DPY19L2: variants seen among roughly 807,000 people sequenced by gnomAD.
DPY19L2 encodes dpy-19 like 2.
A neutral mutation model predicts 97.9 loss-of-function variants in DPY19L2; 34 were observed. The observed-to-expected ratio is 0.35, with a 90% confidence interval of 0.26 to 0.46. DPY19L2 has a LOEUF of 0.46. Among genes scored for constraint, DPY19L2 ranks in the 20% least tolerant of loss-of-function variants. The pLI, the probability that DPY19L2 is intolerant of heterozygous loss-of-function variation, is 1.00. For missense variants in DPY19L2, 623 were observed against 911.4 expected, an observed-to-expected ratio of 0.68 and a Z score of 4.07; for synonymous variants, 230 against 307.9, an observed-to-expected ratio of 0.75 and a Z score of 2.65.
chr12:63,604,308 C>T (rs974801253), intron 12 of DPY19L2, among the ~76,000 whole-genome samples: 3 of 152,070 alleles, frequency 2.0e-5, no homozygotes, highest in African/African-American at 7.2e-5. Flanking sequence ...TGTATCTTGG[C>T]ATGGATTTCT....
intron 11 of DPY19L2, among the ~76,000 whole-genome samples, chr12:63,609,117 T>C (rs1346893544): frequency 6.6e-6 from 1 of 152,050 alleles, no homozygotes; most frequent in East Asian, 1.9e-4. Flanking sequence ...AAAGAACTTC[T>C]CCGATGCTAG....
At chr12:63,587,713 C>T (rs1171349947) in intron 16 of DPY19L2, among the ~76,000 whole-genome samples, 2 of 151,886 alleles carry the variant, frequency 1.3e-5, no homozygotes, top group Non-Finnish European at 2.9e-5. Flanking sequence ...GCTGCGATTA[C>T]AGGTGTGTGC....
intron 21 of DPY19L2, among the ~76,000 whole-genome samples, chr12:63,567,152 C>T (rs1457919834): frequency 1.3e-5 from 2 of 152,014 alleles, no homozygotes; most frequent in Non-Finnish European, 2.9e-5. Context: ...TCCTTATCTT[C>T]TTCTCCTCCC....
At chr12:63,576,053 T>G (rs1397318572) in intron 19 of DPY19L2, among the ~76,000 whole-genome samples, 1 of 151,936 alleles carries the variant, frequency 6.6e-6, no homozygotes, top group Non-Finnish European at 1.5e-5. Context: ...AACAAAATAC[T>G]AGCAAACTGA....
chr12:63,560,678 C>CAT lies in DPY19L2; in HGVS notation c.2127-18_2127-17dup, dbSNP rs1357651370. ...GCAACCAGGCCTGAAAAAAGACAGA[C>CAT]ATATATATCCATATTAGAAATGTAT... On this transcript the variant is annotated splice_polypyrimidine_tract_variant and intron_variant, in intron 21 of 21. Coordinates refer to ENST00000324472, the MANE Select transcript of DPY19L2 (RefSeq NM_173812.5). 8.1e-6 allele frequency: 13 copies of CAT among 1,612,610 alleles called. 1 individual carries two copies. The South Asian group carries it at 1.3e-4, about 16-fold the overall frequency.
At chr12:63,630,658 C>T (rs887091348) in intron 6 of DPY19L2, among the ~76,000 whole-genome samples, 5 of 151,902 alleles carry the variant, frequency 3.3e-5, no homozygotes, top group Admixed American at 2.0e-4. Context: ...GACAGATCCC[C>T]GAGACAGAAA....
At chr12:63,572,705 C>T (rs1592392063) in intron 19 of DPY19L2, among the ~76,000 whole-genome samples, 1 of 152,162 alleles carries the variant, frequency 6.6e-6, no homozygotes, top group South Asian at 2.1e-4. Flanking sequence ...ACACCCCACC[C>T]CCAGCTCCAG....
At chr12:63,667,726 TC>T in intron 1 of DPY19L2, among the ~76,000 whole-genome samples, 1 of 152,124 alleles carries the variant, frequency 6.6e-6, no homozygotes, top group East Asian at 1.9e-4. Context: ...ATTCTACCCC[TC>T]CCAAATATTG....
intron 12 of DPY19L2, among the ~76,000 whole-genome samples, chr12:63,604,171 T>C (rs907432912): frequency 1.5e-4 from 23 of 152,218 alleles, no homozygotes; most frequent in African/African-American, 5.5e-4. Context: ...CCCAACCTTC[T>C]GGCTTCCTTA....
chr12:63,637,885 G>C (rs1892011208), intron 6 of DPY19L2, among the ~76,000 whole-genome samples: 1 of 152,044 alleles, frequency 6.6e-6, no homozygotes, highest in South Asian at 2.1e-4. Context: ...TGATACCAAG[G>C]CCTGGCAGAG....
intron 6 of DPY19L2, among the ~76,000 whole-genome samples, chr12:63,641,075 G>T (rs185225884): frequency 6.6e-6 from 1 of 151,882 alleles, no homozygotes; most frequent in Non-Finnish European, 1.5e-5. Context: ...TGTTGTTGTT[G>T]TTGTATTTTT....
intron 16 of DPY19L2, among the ~76,000 whole-genome samples, chr12:63,589,770 A>G (rs1882557167): frequency 6.6e-6 from 1 of 152,202 alleles, no homozygotes; most frequent in Non-Finnish European, 1.5e-5. Flanking sequence ...CTATAAGTTG[A>G]CATCTTGGAA....
At chr12:63,591,223 A>T (rs982376173) in intron 16 of DPY19L2, 5 of 350,688 alleles carry the variant, frequency 1.4e-5, no homozygotes, top group Non-Finnish European at 2.4e-5. Flanking sequence ...TGACAACCAT[A>T]CACAGCTGTT....
At chr12:63,629,033 C>T (rs1450569591) in intron 6 of DPY19L2, among the ~76,000 whole-genome samples, 1 of 152,082 alleles carries the variant, frequency 6.6e-6, no homozygotes, top group East Asian at 1.9e-4. Context: ...AACTAACAAA[C>T]AGAAAGGACA....
At chr12:63,585,820 T>C (rs1881696674) in intron 16 of DPY19L2, among the ~76,000 whole-genome samples, 1 of 151,912 alleles carries the variant, frequency 6.6e-6, no homozygotes, top group African/African-American at 2.4e-5. Flanking sequence ...ACTCCAATTA[T>C]TGTTTTCACA....
At chr12:63,651,798 G>A (rs1264312584) in intron 4 of DPY19L2, 16 of 325,838 alleles carry the variant, frequency 4.9e-5, no homozygotes, top group East Asian at 1.7e-4. Flanking sequence ...GAAGGACCCC[G>A]GTGTCCTTGA....
chr12:63,593,860 A>G (rs1441551200), intron 16 of DPY19L2, among the ~76,000 whole-genome samples: 1 of 152,188 alleles, frequency 6.6e-6, no homozygotes, highest in African/African-American at 2.4e-5. Flanking sequence ...TTATCAATTT[A>G]AACTTTGAGT....
At chr12:63,640,716 C>A (rs1382958052) in intron 6 of DPY19L2, among the ~76,000 whole-genome samples, 2 of 152,040 alleles carry the variant, frequency 1.3e-5, no homozygotes, top group South Asian at 4.1e-4. Flanking sequence ...ATTTTATATT[C>A]CAGGACTATA....
chr12:63,614,067 G>A (rs559319858), intron 11 of DPY19L2, among the ~76,000 whole-genome samples: 1 of 151,766 alleles, frequency 6.6e-6, no homozygotes, highest in African/African-American at 2.4e-5. Context: ...GCAGGCGCCT[G>A]TAATCCCAGC....
Sources: allele counts gnomAD v4.1 joint callset (sites outside exome capture counted in the v4.1 genomes callset), GRCh38; gene constraint gnomAD v4.1.1; transcripts MANE v1.5; gene names NCBI Gene and HGNC (gene_info 2026-07-23, HGNC 2026-07-21).